Variants in EYA1 observed in about 807,000 individuals in gnomAD.
The protein encoded by EYA1 is protein phosphatase EYA1.
EYA1 carries 16 observed loss-of-function variants against 82.0 expected under a neutral mutation model. The ratio of observed to expected loss-of-function variants is 0.20; its 90% CI spans 0.13 to 0.30. The LOEUF (loss-of-function observed/expected upper bound fraction) is 0.30, where lower values mean the gene tolerates loss of function less well. EYA1 is among the 10% of genes least tolerant of loss of function. The probability of loss-of-function intolerance (pLI) is 1.00; values close to 1 mark genes in which losing one functional copy is unlikely to be tolerated. For missense variants in EYA1, 633 were observed against 730.7 expected (o/e 0.87, Z 1.54); for synonymous variants, 261 against 264.4 (o/e 0.99, Z 0.12).
intron 2 of EYA1, among the ~76,000 whole-genome samples, chr8:71,367,739 C>G (rs112593626): frequency 1.4e-4 from 22 of 152,136 alleles, no homozygotes; most frequent in African/African-American, 5.3e-4. Flanking sequence ...AGGTTTCTCT[C>G]TACTGTAAGG....
intron 2 of EYA1, among the ~76,000 whole-genome samples, chr8:71,388,181 A>G (rs1375064372): frequency 6.6e-6 from 1 of 152,180 alleles, no homozygotes; most frequent in Non-Finnish European, 1.5e-5. Context: ...GCCACACTCC[A>G]AAGACTGATT....
chr8:71,505,662 C>T (rs560950041), intron 2 of EYA1, among the ~76,000 whole-genome samples: 1 of 152,250 alleles, frequency 6.6e-6, no homozygotes, highest in South Asian at 2.1e-4. Flanking sequence ...TTGCCACAGC[C>T]AGCTTGGAGA....
chr8:71,266,650 C>CTGTG (rs1176369026), intron 11 of EYA1, among the ~76,000 whole-genome samples: 1 of 151,998 alleles, frequency 6.6e-6, no homozygotes, highest in East Asian at 1.9e-4. Context: ...CTAAGAGACT[C>CTGTG]CAAGGAGCCT....
At chr8:71,201,028 G>C (rs924388282) in intron 17 of EYA1, among the ~76,000 whole-genome samples, 4 of 145,918 alleles carry the variant, frequency 2.7e-5, no homozygotes, top group Non-Finnish European at 6.0e-5. Flanking sequence ...AGATGGGTAT[G>C]AGAGAAAAGA....
chr8:71,528,451 G>T (rs552390842), intron 2 of EYA1, among the ~76,000 whole-genome samples: 2 of 152,104 alleles, frequency 1.3e-5, no homozygotes, highest in Non-Finnish European at 2.9e-5. Flanking sequence ...ACAACCTGGT[G>T]CCCAATGTGA....
At chr8:71,262,835 G>A (rs944446614) in intron 11 of EYA1, among the ~76,000 whole-genome samples, 2 of 152,186 alleles carry the variant, frequency 1.3e-5, no homozygotes, top group Admixed American at 6.5e-5. Flanking sequence ...ATGTGCTTCT[G>A]TTTGTTTTGA....
At chr8:71,292,038 C>A (rs773083908) in intron 9 of EYA1, among the ~76,000 whole-genome samples, 1 of 151,976 alleles carries the variant, frequency 6.6e-6, no homozygotes, top group African/African-American at 2.4e-5. Flanking sequence ...TGATTATACA[C>A]ATGAATCATA....
At chr8:71,365,720 T>A (rs1827714197), upstream of EYA1, among the ~76,000 whole-genome samples, 1 of 152,212 alleles carries the variant, frequency 6.6e-6, no homozygotes, top group African/African-American at 2.4e-5. Flanking sequence ...GACACTATGA[T>A]CCTTGTTGGC....
chr8:71,418,885 G>A (rs1469113477), intron 2 of EYA1, among the ~76,000 whole-genome samples: 1 of 152,106 alleles, frequency 6.6e-6, no homozygotes, highest in Non-Finnish European at 1.5e-5. Context: ...ATTTGGATGG[G>A]GACCTAAAGG....
At chr8:71,246,649 C>T (rs1440014772) in intron 11 of EYA1, among the ~76,000 whole-genome samples, 3 of 152,182 alleles carry the variant, frequency 2.0e-5, no homozygotes, top group East Asian at 1.9e-4. Context: ...ATCCTCTCAT[C>T]GAGCCTGGTT....
At position 71,361,918 on chromosome 8, in the gene EYA1, C is replaced by A. The variant is rs551597748; in HGVS notation, c.-326G>T. 6.6e-4 allele frequency: 651 copies of A among 985,326 alleles called. 3 individuals are homozygous for A. Among genetic ancestry groups the A allele is most frequent in the Non-Finnish European group, 7.4e-4 (617 of 829,972 alleles). 61.0% of individuals were successfully genotyped at this position (985,326 alleles called of 1,614,324 possible). The stretch of plus-strand genomic sequence containing the variant: ...CCAGGAAGAAACCCGCCACAGTGGA[C>A]GGCAACAGGAAGGCTTAAAGTCGGA... On this transcript the variant is annotated 5_prime_UTR_variant, in exon 1 of 18. Coordinates refer to ENST00000340726, the MANE Select transcript of EYA1 (RefSeq NM_000503.6).
chr8:71,447,270 A>G (rs1259901946), intron 2 of EYA1, among the ~76,000 whole-genome samples: 1 of 152,012 alleles, frequency 6.6e-6, no homozygotes, highest in Non-Finnish European at 1.5e-5. Flanking sequence ...CTAAATGGCT[A>G]CCTATCACCA....
chr8:71,510,200 G>T (rs1048368625), intron 2 of EYA1, among the ~76,000 whole-genome samples: 3 of 152,120 alleles, frequency 2.0e-5, no homozygotes, highest in Non-Finnish European at 4.4e-5. Context: ...GACTCAAAAT[G>T]ATGAGAGACT....
intron 2 of EYA1, among the ~76,000 whole-genome samples, chr8:71,453,028 A>T (rs1166829891): frequency 6.6e-6 from 1 of 152,190 alleles, no homozygotes; most frequent in African/African-American, 2.4e-5. Context: ...TTGAAAAAAG[A>T]TTAGGTGAAT....
chr8:71,239,768 G>A (rs1020461431), intron 12 of EYA1, among the ~76,000 whole-genome samples: 48 of 152,162 alleles, frequency 3.2e-4, no homozygotes, highest in African/African-American at 1.1e-3. Flanking sequence ...GAGAACCAGA[G>A]CTCTAGCATC....
At chr8:71,534,553 A>G (rs901508304) in intron 2 of EYA1, among the ~76,000 whole-genome samples, 6 of 152,232 alleles carry the variant, frequency 3.9e-5, no homozygotes, top group Admixed American at 3.3e-4. Flanking sequence ...GGTCTTGTAA[A>G]ACATACATTT....
intron 7 of EYA1, among the ~76,000 whole-genome samples, chr8:71,310,565 C>G (rs1330509200): frequency 6.6e-6 from 1 of 152,144 alleles, no homozygotes; most frequent in Non-Finnish European, 1.5e-5. Context: ...CCTCCAGCTC[C>G]ATCCATGTTC....
At chr8:71,492,516 G>A (rs962000600) in intron 2 of EYA1, among the ~76,000 whole-genome samples, 1 of 150,764 alleles carries the variant, frequency 6.6e-6, no homozygotes, top group Non-Finnish European at 1.5e-5. Flanking sequence ...CCAGGCTGGA[G>A]TGCAGTCGCG....
At chr8:71,522,577 T>A (rs2129271933) in intron 2 of EYA1, among the ~76,000 whole-genome samples, 1 of 151,898 alleles carries the variant, frequency 6.6e-6, no homozygotes, top group Non-Finnish European at 1.5e-5. Flanking sequence ...TTTAATGACT[T>A]AAAAATATAT....
Sources: gnomAD v4.1 joint callset for allele counts (sites outside exome capture counted in the v4.1 genomes callset) on GRCh38, gnomAD v4.1.1 for gene constraint, MANE v1.5 for transcripts, NCBI Gene and HGNC (gene_info 2026-07-23, HGNC 2026-07-21) for gene names.